The following JMJD1C variants were observed in gnomAD, a reference collection of about 807,000 sequenced individuals.
JMJD1C encodes the protein jumonji domain-containing protein 1C.
In JMJD1C, 31 loss-of-function variants were observed where a neutral mutation model predicts 245.3. That is an observed-to-expected ratio of 0.13 (90% CI 0.09 to 0.17). The LOEUF is 0.17. JMJD1C is among the 10% of genes least tolerant of loss of function. The probability of loss-of-function intolerance (pLI) is 1.00; values close to 1 mark genes in which losing one functional copy is unlikely to be tolerated. For missense variants in JMJD1C, 2,691 were observed against 3,000.2 expected (o/e 0.90, Z 2.41); for synonymous variants, 1,057 against 1,017.4 (o/e 1.04, Z -0.74).
rs1469986796 is a variant in JMJD1C, at chr10:63,208,960, C to T, written c.2867+103G>A. On this transcript the variant is annotated intron_variant, in intron 9 of 25. Coordinates refer to ENST00000399262, the MANE Select transcript of JMJD1C (RefSeq NM_032776.3). The stretch of plus-strand genomic sequence containing the variant: ...AAGAAATATCAAAACAGAACAAAGC[C>T]TAATCTTAAGATATGTGTTAACTTA... 4.4e-6 allele frequency: 5 copies of T among 1,138,492 alleles called. No individual in the cohort carries two copies. The South Asian group carries it at 4.8e-5, about 11-fold the overall frequency. The allele number at this position is 1,138,492 out of a possible 1,614,324, so 70.5% of individuals were successfully genotyped here. A position where few individuals can be genotyped will look rare whatever the true frequency, so the allele number is the denominator to read the frequency against.
chr10:63,248,529 G>GATAAATAAATAAATAAATAA (rs373943626), intron 3 of JMJD1C, among the ~76,000 whole-genome samples: 8 of 137,058 alleles, frequency 5.8e-5, no homozygotes, highest in African/African-American at 1.7e-4. Context: ...TCAATAGATA[G>GATAAATAAATAAATAAATAA]ATAAATAAAT....
chr10:63,194,781 T>C, intron 13 of JMJD1C: 1 of 168,676 alleles, frequency 5.9e-6, no homozygotes, highest in Non-Finnish European at 1.3e-5. Context: ...TGTTAATTCA[T>C]TTTCCTCTTA....
chr10:63,185,681 A>G (rs1194552746), intron 19 of JMJD1C, 28 bp from the exon 20 acceptor site: 1 of 1,277,808 alleles, frequency 7.8e-7, no homozygotes, highest in South Asian at 1.2e-5. Flanking sequence ...AATTACTAAA[A>G]GGGTAATTTC....
At position 63,222,015 on chromosome 10, in the gene JMJD1C, T is replaced by C. The variant is rs1848659612; in HGVS notation, c.448-2032A>G. ...GGTATTACAGGCGTGAGCCACCACA[T>C]CTGGCCCATAGAAAACTATTTTACA... On this transcript the variant is annotated intron_variant, in intron 3 of 25. Coordinates refer to ENST00000399262, the MANE Select transcript of JMJD1C (RefSeq NM_032776.3). 2.9e-5 allele frequency: 11 copies of C among 385,640 alleles called. No individual in the cohort carries two copies. The Admixed American group carries it at 4.0e-4, about 14-fold the overall frequency. The allele number at this position is 385,640 out of a possible 1,614,324, so 23.9% of individuals were successfully genotyped here.
chr10:63,429,434 C>A (rs1035411336), intron 1 of JMJD1C, among the ~76,000 whole-genome samples: 8 of 152,210 alleles, frequency 5.3e-5, no homozygotes, highest in African/African-American at 1.7e-4. Context: ...TTTCAAACAT[C>A]TGTTTTTCTC....
chr10:63,396,854 A>G (rs1948524812), intron 1 of JMJD1C, among the ~76,000 whole-genome samples: 3 of 151,576 alleles, frequency 2.0e-5, no homozygotes, highest in Admixed American at 2.0e-4. Flanking sequence ...TATACAAACT[A>G]CATCTCAGTT....
chr10:63,204,728 T>C (rs1291399635), intron 10 of JMJD1C: 1 of 985,336 alleles, frequency 1.0e-6, no homozygotes, highest in Non-Finnish European at 1.2e-6. Context: ...CTTCTGACTA[T>C]GCTTGCATTT....
Position 63,465,540 on chromosome 10 carries a change from G to A in JMJD1C, c.123C>T (p.Val41=), listed in dbSNP as rs2133123441. Residue 41 remains valine (V), a synonymous_variant, in exon 1 of 26, where the codon GTC becomes GTT. Transcript: ENST00000399262. ...GRGWRSWRAG[V]IRAVSHRDSR... The stretch of plus-strand genomic sequence containing the variant: ...TGTCCCTGTGTGACACGGCTCGGAT[G>A]ACCCCCGCTCGCCAGCTTCGCCAGC... The A allele has an allele frequency of 1.9e-6, 3 of 1,601,968 alleles. No homozygotes were observed. Among genetic ancestry groups the A allele is most frequent in the Non-Finnish European group, 2.5e-6 (3 of 1,177,842 alleles).
At position 63,305,786 on chromosome 10, in the gene JMJD1C, GCA is replaced by G. The variant is rs935404001; in HGVS notation, c.334-41024_334-41023del. 6.7e-4 allele frequency among the ~76,000 whole-genome samples: 102 copies of G among 152,112 alleles called. 1 individual carries two copies. The highest frequency in any genetic ancestry group is 2.3e-3 in the African/African-American group (96 of 41,502). ...CATTTTTCTGATATTTCTTCTGTGT[GCA>G]GTGGCACAATCTCGGCTCACTGCAG... is the stretch of plus-strand genomic sequence containing the variant. On this transcript the variant is annotated intron_variant, in intron 2 of 25. Transcript: ENST00000399262.
At chr10:63,366,611 C>T (rs1295316434) in intron 2 of JMJD1C, among the ~76,000 whole-genome samples, 1 of 152,172 alleles carries the variant, frequency 6.6e-6, no homozygotes, top group Non-Finnish European at 1.5e-5. Context: ...GGATGACAAA[C>T]CTTTGTTTCC....
intron 3 of JMJD1C, among the ~76,000 whole-genome samples, chr10:63,263,934 A>G (rs1299668628): frequency 6.3e-5 from 6 of 94,694 alleles, no homozygotes; most frequent in Admixed American, 1.1e-4. Context: ...TCCATCACGG[A>G]AAAAAAAAAA....
intron 1 of JMJD1C, among the ~76,000 whole-genome samples, chr10:63,471,910 T>C (rs1953501744): frequency 6.6e-6 from 1 of 152,232 alleles, no homozygotes; most frequent in South Asian, 2.1e-4. Flanking sequence ...TGGTGGCACA[T>C]GGCTGTAGTG....
intron 2 of JMJD1C, among the ~76,000 whole-genome samples, chr10:63,303,089 A>C (rs1040560265): frequency 6.6e-6 from 1 of 151,922 alleles, no homozygotes; most frequent in Non-Finnish European, 1.5e-5. Flanking sequence ...TAGGAAAAAA[A>C]TTGTGTTGTA....
At chr10:63,499,144 A>T (rs886821178) in intron 1 of JMJD1C, among the ~76,000 whole-genome samples, 14 of 152,312 alleles carry the variant, frequency 9.2e-5, no homozygotes, top group Middle Eastern at 3.4e-3. Context: ...TTGATTCCAC[A>T]TCTTGGTTAT....
intron 2 of JMJD1C, among the ~76,000 whole-genome samples, chr10:63,277,960 C>A (rs1343030928): frequency 6.6e-6 from 1 of 151,818 alleles, no homozygotes; most frequent in Non-Finnish European, 1.5e-5. Flanking sequence ...TGGTCTCCAA[C>A]TACCTCAGGT....
intron 2 of JMJD1C, among the ~76,000 whole-genome samples, chr10:63,353,179 A>G (rs775354766): frequency 4.6e-5 from 7 of 152,238 alleles, no homozygotes; most frequent in Non-Finnish European, 1.0e-4. Context: ...CTGAACTATG[A>G]GTCAAGTTAA....
intron 2 of JMJD1C, among the ~76,000 whole-genome samples, chr10:63,351,523 C>T (rs1315979929): frequency 6.6e-6 from 1 of 152,008 alleles, no homozygotes; most frequent in Non-Finnish European, 1.5e-5. Context: ...AAAACTGGGT[C>T]GTATGAAAAA....
chr10:63,487,861 T>C (rs565746997), intron 1 of JMJD1C, among the ~76,000 whole-genome samples: 99 of 152,366 alleles, frequency 6.5e-4, no homozygotes, highest in Admixed American at 1.6e-3. Context: ...TATCGTTTAC[T>C]GTGAAGTTGT....
At chr10:63,375,581 C>CA (rs934993444) in intron 2 of JMJD1C, among the ~76,000 whole-genome samples, 3 of 147,332 alleles carry the variant, frequency 2.0e-5, no homozygotes, top group Non-Finnish European at 3.0e-5. Context: ...GACAGGGTCT[C>CA]ACTCTGTCAC....
Sources: gnomAD v4.1 joint callset for allele counts (sites outside exome capture counted in the v4.1 genomes callset) on GRCh38, gnomAD v4.1.1 for gene constraint, MANE v1.5 for transcripts, NCBI Gene and HGNC (gene_info 2026-07-23, HGNC 2026-07-21) for gene names.